The following STIM2 variants were observed in gnomAD, a reference collection of about 807,000 sequenced individuals.
STIM2 encodes stromal interaction molecule 2.
STIM2 carries 31 observed loss-of-function variants against 85.8 expected under a neutral mutation model. The observed-to-expected ratio is 0.36, with a 90% CI of 0.27 to 0.49. STIM2 has a LOEUF of 0.49. Ranked by LOEUF, STIM2 falls within the 20% of genes least tolerant of loss-of-function variation. STIM2 has a pLI of 0.98. For missense variants in STIM2, 841 were observed against 927.6 expected (o/e 0.91, Z 1.21); for synonymous variants, 356 against 331.1 (o/e 1.08, Z -0.82).
intron 1 of STIM2, among the ~76,000 whole-genome samples, chr4:26,880,643 G>A (rs948341161): frequency 6.9e-6 from 1 of 144,888 alleles, no homozygotes; most frequent in Non-Finnish European, 1.5e-5. Context: ...AAATATATAT[G>A]TAAATATATA....
At chr4:26,885,821 T>TTATATATATATATATATATATATA (rs56851120) in intron 1 of STIM2, among the ~76,000 whole-genome samples, 4 of 84,628 alleles carry the variant, frequency 4.7e-5, no homozygotes, top group East Asian at 3.4e-4. Flanking sequence ...GCACCTCAGG[T>TTATATATATATATATATATATATA]TATATATATA....
rs1236564380 is a variant in STIM2 at position 26,980,039 on chromosome 4, C to T, written c.398-15340C>T. 4.6e-5 allele frequency among the ~76,000 whole-genome samples: 7 copies of T among 152,310 alleles called. No individual in the cohort carries two copies. In the East Asian group the frequency reaches 7.7e-4, roughly 17 times the overall value. ...TTGGCCTCCCAAAGTGCCAGGATTA[C>T]AGGCGTGAGCCACTGGGCCCAGCCC... On this transcript the variant is annotated intron_variant, in intron 3 of 11. Transcript: ENST00000467087.
chr4:26,881,229 G>C (rs1723003391), intron 1 of STIM2, among the ~76,000 whole-genome samples: 1 of 152,130 alleles, frequency 6.6e-6, no homozygotes, highest in South Asian at 2.1e-4. Flanking sequence ...TCTTTGGGAG[G>C]CCTAGGCAGG....
At chr4:27,012,544 G>A (rs1388160836) in intron 10 of STIM2, among the ~76,000 whole-genome samples, 1 of 151,980 alleles carries the variant, frequency 6.6e-6, no homozygotes, top group Non-Finnish European at 1.5e-5. Flanking sequence ...TTGCTGATGA[G>A]GAAATGCCGT....
intron 1 of STIM2, among the ~76,000 whole-genome samples, chr4:26,892,899 G>T (rs1723550280): frequency 6.6e-6 from 1 of 152,190 alleles, no homozygotes; most frequent in Non-Finnish European, 1.5e-5. Flanking sequence ...CCAGTTACCA[G>T]GGTATGTGTT....
intron 4 of STIM2, among the ~76,000 whole-genome samples, chr4:26,998,464 T>C (rs1363014509): frequency 6.6e-6 from 1 of 152,166 alleles, no homozygotes; most frequent in Non-Finnish European, 1.5e-5. Context: ...AAAGTATAGA[T>C]TTTTTGATAC....
chr4:26,904,760 T>C (rs1724057335), intron 1 of STIM2, among the ~76,000 whole-genome samples: 1 of 137,832 alleles, frequency 7.3e-6, no homozygotes, highest in Admixed American at 7.3e-5. Context: ...GTGTTTTGTC[T>C]TTTTTTTTTT....
Position 26,905,946 on chromosome 4 carries a change from G to A in STIM2, c.152-13558G>A, listed in dbSNP as rs544668530. 2.2e-4 allele frequency among the ~76,000 whole-genome samples: 34 copies of A among 152,018 alleles called. No individual in the cohort carries two copies. The South Asian group carries it at 7.1e-3, about 32-fold the overall frequency. ...ATAACTGGTTTAGTTGGCTGTTTAT[G>A]TGTGTGTGTATATGTATATATATAC... On this transcript the variant is annotated intron_variant, in intron 1 of 11. Transcript: ENST00000467087.
chr4:27,024,739 G>T lies in STIM2; in HGVS notation c.*1743G>T, dbSNP rs549618748. The T allele has an allele frequency of 6.6e-6, 1 of 152,360 alleles. No homozygotes were observed. Among genetic ancestry groups the T allele is most frequent in the Admixed American group, 6.5e-5 (1 of 15,302 alleles). The allele number at this position is 152,360 out of a possible 1,614,324, so 9.4% of individuals were successfully genotyped here. A position where few individuals can be genotyped will look rare whatever the true frequency, so the allele number is the denominator to read the frequency against. ...TGAGAGGTAGGGTTGAGGAACACAG[G>T]GTTGAAAGCTGTTGGAGAGGGGAAA... On this transcript the variant is annotated 3_prime_UTR_variant, in exon 12 of 12. Coordinates refer to ENST00000467087, the MANE Select transcript of STIM2 (RefSeq NM_020860.4).
chr4:26,975,222 C>T (rs574444340), intron 3 of STIM2, among the ~76,000 whole-genome samples: 1 of 152,266 alleles, frequency 6.6e-6, no homozygotes, highest in Admixed American at 6.5e-5. Context: ...TATTACCGAC[C>T]TTCTGAAGCC....
At chr4:26,907,971 G>A (rs1489581157) in intron 1 of STIM2, among the ~76,000 whole-genome samples, 1 of 152,102 alleles carries the variant, frequency 6.6e-6, no homozygotes, top group Non-Finnish European at 1.5e-5. Context: ...AACAGTACAC[G>A]GAAGGGGAAT....
chr4:26,943,464 T>TA lies in STIM2; in HGVS notation c.283-14147dup, dbSNP rs1313812670. Reference sequence around the variant, plus strand: ...GCCCCAGTTTTGGCCAGTGGAAACTTACTTAGGCTCGCACCTGGATCCTTT... The same window carrying TA: ...GCCCCAGTTTTGGCCAGTGGAAACTTAACTTAGGCTCGCACCTGGATCCTTT... On this transcript the variant is annotated intron_variant, in intron 2 of 11. Coordinates refer to ENST00000467087, the MANE Select transcript of STIM2 (RefSeq NM_020860.4). Among the ~76,000 whole-genome samples, 20 of 152,182 alleles carry TA rather than the reference T, an allele frequency of 1.3e-4. 1 individual carries two copies. The highest frequency in any genetic ancestry group is 2.9e-4 in the Non-Finnish European group (20 of 68,028).
chr4:26,903,974 T>A (rs1184973986), intron 1 of STIM2, among the ~76,000 whole-genome samples: 1 of 152,044 alleles, frequency 6.6e-6, no homozygotes, highest in African/African-American at 2.4e-5. Flanking sequence ...ACTTTAAGTT[T>A]TAGGGTACAT....
At chr4:27,012,318 TA>T (rs1410117290) in intron 10 of STIM2, among the ~76,000 whole-genome samples, 4 of 152,134 alleles carry the variant, frequency 2.6e-5, no homozygotes, top group African/African-American at 7.2e-5. Flanking sequence ...CCATTGGGTT[TA>T]AAAAATTTTT....
intron 2 of STIM2, among the ~76,000 whole-genome samples, chr4:26,938,867 A>G (rs1358112451): frequency 1.3e-5 from 2 of 152,202 alleles, no homozygotes; most frequent in Non-Finnish European, 2.9e-5. Context: ...AACTGTTCCA[A>G]CTACTGTTCA....
At chr4:26,990,686 CCTT>C (rs746454672) in intron 3 of STIM2, among the ~76,000 whole-genome samples, 1 of 152,058 alleles carries the variant, frequency 6.6e-6, no homozygotes, top group Non-Finnish European at 1.5e-5. Context: ...TGCAAACTAT[CCTT>C]CTGACAAGAG....
At chr4:27,020,382 G>T (rs1207845821) in intron 11 of STIM2, among the ~76,000 whole-genome samples, 2 of 152,202 alleles carry the variant, frequency 1.3e-5, no homozygotes, top group Non-Finnish European at 2.9e-5. Context: ...ATCAATGATT[G>T]ATTTCTGAGT....
chr4:26,930,387 A>G (rs1041041957), intron 2 of STIM2, among the ~76,000 whole-genome samples: 6 of 150,996 alleles, frequency 4.0e-5, no homozygotes, highest in African/African-American at 1.5e-4. Context: ...TTGAATGAAC[A>G]TTTTTTTCAT....
intron 3 of STIM2, among the ~76,000 whole-genome samples, chr4:26,984,757 A>C (rs1727521604): frequency 6.6e-6 from 1 of 152,222 alleles, no homozygotes; most frequent in Admixed American, 6.5e-5. Flanking sequence ...ATTGATAATA[A>C]GATTGGAGTT....
Sources: allele counts gnomAD v4.1 joint callset (sites outside exome capture counted in the v4.1 genomes callset), GRCh38; gene constraint gnomAD v4.1.1; transcripts MANE v1.5; gene names NCBI Gene and HGNC (gene_info 2026-07-23, HGNC 2026-07-21).